Variants in TET2 observed in about 807,000 individuals in gnomAD.
TET2 encodes the protein tet methylcytosine dioxygenase 2, also known as methylcytosine dioxygenase TET2.
A neutral mutation model predicts 142.9 loss-of-function variants in TET2; 299 were observed. That is an observed-to-expected ratio of 2.09 (90% CI 1.90 to 2.30). TET2 has a LOEUF of 2.30. Among genes scored for constraint, TET2 ranks in the 30% most tolerant of loss-of-function variants. The pLI, the probability that TET2 is intolerant of heterozygous loss-of-function variation, is 0.00. For synonymous variants in TET2, 819 were observed against 849.0 expected (o/e 0.96, Z 0.61); for missense variants, 2,418 against 2,378.0 (o/e 1.02, Z -0.35).
chr4:105,220,853 C>T (rs561849194), intron 2 of TET2, among the ~76,000 whole-genome samples: 1 of 152,224 alleles, frequency 6.6e-6, no homozygotes, highest in East Asian at 1.9e-4. Flanking sequence ...CTGAGTCCAC[C>T]CCACAGTCTC....
rs1425785269 is a variant in TET2, at chr4:105,235,135, C to T, written c.1193C>T (p.Pro398Leu). 1 of 1,613,786 alleles carries T rather than the reference C, an allele frequency of 6.2e-7. No individual in the cohort carries two copies. The highest frequency in any genetic ancestry group is 8.5e-7 in the Non-Finnish European group (1 of 1,179,842). Residue 398 changes from proline (P) to leucine (L), a missense_variant, in exon 3 of 11, where the codon CCA becomes CTA. Transcript: ENST00000380013. ...TKDSFSATTT[P>L]PPPSQLLLSP... is the part of the protein sequence containing the mutation. ...GATTCCTTTTCTGCCACTACCACACCACCACCACCATCACAATTGCTTCTT... is the reference window on the plus strand; with the variant it reads ...GATTCCTTTTCTGCCACTACCACACTACCACCACCATCACAATTGCTTCTT...
At chr4:105,175,916 A>G (rs752006937) in intron 1 of TET2, among the ~76,000 whole-genome samples, 22 of 152,298 alleles carry the variant, frequency 1.4e-4, no homozygotes, top group South Asian at 6.2e-4. Context: ...TGAGACATTT[A>G]AGATGTTGAA....
chr4:105,170,506 AT>A (rs1560721772), intron 1 of TET2, among the ~76,000 whole-genome samples: 1 of 152,214 alleles, frequency 6.6e-6, no homozygotes, highest in Admixed American at 6.5e-5. Context: ...CTTTAAAAAA[AT>A]GGCAATGAAA....
intron 8 of TET2, among the ~76,000 whole-genome samples, chr4:105,263,877 G>A (rs1348899974): frequency 2.6e-5 from 4 of 152,048 alleles, no homozygotes; most frequent in Non-Finnish European, 5.9e-5. Context: ...GTGAAAGAGG[G>A]AGATGGATGG....
intron 10 of TET2, among the ~76,000 whole-genome samples, chr4:105,273,123 G>C (rs919587149): frequency 1.3e-5 from 2 of 152,136 alleles, no homozygotes; most frequent in African/African-American, 2.4e-5. Context: ...GCATCTTCCT[G>C]ATGCACCCCT....
intron 2 of TET2, among the ~76,000 whole-genome samples, chr4:105,214,301 A>ATTTTTTT (rs35390923): frequency 4.6e-5 from 4 of 86,030 alleles, no homozygotes; most frequent in African/African-American, 1.4e-4. Context: ...CCCGAGGGAG[A>ATTTTTTT]TTTTTTTTTT....
At chr4:105,190,749 T>A in intron 2 of TET2, 1 of 435,496 alleles carries the variant, frequency 2.3e-6, no homozygotes, top group East Asian at 3.6e-5. Context: ...CAATTCTCAA[T>A]GTCTATGGAG....
At chr4:105,166,259 G>A (rs1724143022) in intron 1 of TET2, among the ~76,000 whole-genome samples, 1 of 152,030 alleles carries the variant, frequency 6.6e-6, no homozygotes, top group Non-Finnish European at 1.5e-5. Flanking sequence ...GGGTAAAATG[G>A]ATTCCCTTTT....
intron 2 of TET2, among the ~76,000 whole-genome samples, chr4:105,226,583 C>A (rs1728205340): frequency 6.6e-6 from 1 of 151,102 alleles, no homozygotes; most frequent in Non-Finnish European, 1.5e-5. Flanking sequence ...TGTGGCACGT[C>A]CCCCTCCCTG....
chr4:105,209,947 A>G (rs1238047398), intron 2 of TET2, among the ~76,000 whole-genome samples: 1 of 152,172 alleles, frequency 6.6e-6, no homozygotes, highest in Non-Finnish European at 1.5e-5. Flanking sequence ...AAGTAAGGAC[A>G]TGGATAATTT....
intron 6 of TET2, among the ~76,000 whole-genome samples, chr4:105,254,457 G>A (rs1318772316): frequency 2.0e-5 from 3 of 152,152 alleles, no homozygotes; most frequent in Non-Finnish European, 2.9e-5. Context: ...GGTTGCCCAG[G>A]CTGGAGTGCA....
chr4:105,159,260 T>C (rs1723719817), intron 1 of TET2, among the ~76,000 whole-genome samples: 1 of 150,288 alleles, frequency 6.7e-6, no homozygotes, highest in African/African-American at 2.4e-5. Flanking sequence ...TCTTTTTTTT[T>C]TTTTTTTTTG....
intron 1 of TET2, among the ~76,000 whole-genome samples, chr4:105,182,920 A>G (rs1231189546): frequency 1.3e-5 from 2 of 152,184 alleles, no homozygotes; most frequent in African/African-American, 4.8e-5. Context: ...AGATGAAGAT[A>G]TTTGGGCTAT....
intron 1 of TET2, among the ~76,000 whole-genome samples, chr4:105,168,698 A>T (rs1339994932): frequency 1.3e-5 from 2 of 152,012 alleles, no homozygotes; most frequent in Non-Finnish European, 2.9e-5. Flanking sequence ...CGAGCAGTAT[A>T]CACTTCACCC....
chr4:105,150,252 A>T (rs1200035440), intron 1 of TET2, among the ~76,000 whole-genome samples: 1 of 152,230 alleles, frequency 6.6e-6, no homozygotes, highest in Non-Finnish European at 1.5e-5. Flanking sequence ...TATAATGTCA[A>T]TATTTTAGAA....
At chr4:105,210,995 A>G (rs896260661) in intron 2 of TET2, among the ~76,000 whole-genome samples, 1 of 152,172 alleles carries the variant, frequency 6.6e-6, no homozygotes, top group Non-Finnish European at 1.5e-5. Flanking sequence ...AATAATCTTA[A>G]CACTTTACTC....
At chr4:105,197,717 A>T in intron 2 of TET2, among the ~76,000 whole-genome samples, 1 of 152,220 alleles carries the variant, frequency 6.6e-6, no homozygotes. Flanking sequence ...TCAAATGTAG[A>T]ATTAAATATT....
In TET2 at chr4:105,275,538, T is replaced by C. The variant is rs1731169707; in HGVS notation, c.5028T>C (p.His1676=). 4.5e-6 allele frequency: 7 copies of C among 1,551,696 alleles called. No individual in the cohort carries two copies. In the East Asian group the frequency reaches 1.7e-4, roughly 38 times the overall value. ...CTAAGCTCAGTCTACCACCCATCCA[T>C]ACACTTTACCAGCCAAGGTTTGGAA... ...PLSKLSLPPI[H]TLYQPRFGNS... is the part of the protein sequence containing the mutation. Residue 1676 remains histidine, a synonymous_variant, in exon 11 of 11, where the codon CAT becomes CAC. Transcript: ENST00000380013.
At position 105,275,441 on chromosome 4, in the gene TET2, C is replaced by CA; in HGVS notation, c.4932dup (p.Tyr1645IlefsTer16). On this transcript the variant is annotated frameshift_variant, in exon 11 of 11. Coordinates refer to ENST00000380013, the MANE Select transcript of TET2 (RefSeq NM_001127208.3). LOFTEE classifies it low-confidence loss of function (END_TRUNC). ...AACCTATCAGTGGACAACTGCTCCCCATATCTGGGTTCCTATTCTCCCCAG... is the reference window on the plus strand; with the variant it reads ...AACCTATCAGTGGACAACTGCTCCCCAATATCTGGGTTCCTATTCTCCCCAG... 6.4e-7 allele frequency: 1 copy of CA among 1,551,664 alleles called. No individual in the cohort carries two copies. Among genetic ancestry groups the CA allele is most frequent in the Non-Finnish European group, 8.7e-7 (1 of 1,146,968 alleles).
Sources: allele counts gnomAD v4.1 joint callset (sites outside exome capture counted in the v4.1 genomes callset), GRCh38; gene constraint gnomAD v4.1.1; transcripts MANE v1.5; gene names NCBI Gene and HGNC (gene_info 2026-07-23, HGNC 2026-07-21).